The following SUMF1 variants were observed in gnomAD, a reference collection of about 807,000 sequenced individuals.
SUMF1 encodes formylglycine-generating enzyme.
A neutral mutation model predicts 47.6 loss-of-function variants in SUMF1; 48 were observed. The ratio of observed to expected loss-of-function variants is 1.01; its 90% CI spans 0.80 to 1.28. SUMF1 has a LOEUF of 1.28. Ranked by LOEUF, SUMF1 falls within the 50% of genes most tolerant of loss-of-function variation. The pLI is 0.00. For synonymous variants in SUMF1, 230 were observed against 192.1 expected, an observed-to-expected ratio of 1.20 and a Z score of -1.63; for missense variants, 571 against 485.4, an observed-to-expected ratio of 1.18 and a Z score of -1.66.
At position 4,383,153 on chromosome 3, in the gene SUMF1, C is replaced by T. The variant is rs141708879; in HGVS notation, c.955-6764G>A. Among the ~76,000 whole-genome samples, 23 of 152,020 alleles carry T rather than the reference C, an allele frequency of 1.5e-4. No homozygotes were observed. In the East Asian group the frequency reaches 3.9e-3, roughly 26 times the overall value. On this transcript the variant is annotated intron_variant, in intron 7 of 8. Transcript: ENST00000272902. ...CAGCACTTTGGGAGGCCAAGGCAGACGGATCACTGGAGGTCAGGAGCTCAA... is the reference window on the plus strand; with the variant it reads ...CAGCACTTTGGGAGGCCAAGGCAGATGGATCACTGGAGGTCAGGAGCTCAA...
intron 8 of SUMF1, among the ~76,000 whole-genome samples, chr3:4,288,758 G>A (rs1217374324): frequency 5.3e-5 from 8 of 151,256 alleles, no homozygotes; most frequent in Admixed American, 1.3e-4. Context: ...AGCCAAGATC[G>A]TGTCATTTGC....
At chr3:4,176,427 C>G (rs1325989030) in intron 8 of SUMF1, among the ~76,000 whole-genome samples, 3 of 152,134 alleles carry the variant, frequency 2.0e-5, no homozygotes, top group Non-Finnish European at 2.9e-5. Flanking sequence ...AATTTCATAT[C>G]CAGCTATACT....
chr3:4,373,804 AT>A (rs1700240528), intron 8 of SUMF1, among the ~76,000 whole-genome samples: 1 of 58,820 alleles, frequency 1.7e-5, no homozygotes, highest in Non-Finnish European at 4.7e-5. Flanking sequence ...TGCAAATCAA[AT>A]CCAAAAATGT....
At chr3:4,201,029 A>T (rs925861099) in intron 8 of SUMF1, among the ~76,000 whole-genome samples, 2 of 152,096 alleles carry the variant, frequency 1.3e-5, no homozygotes, top group Non-Finnish European at 2.9e-5. Context: ...AAATGTATAT[A>T]TTTATAAGGT....
At chr3:4,083,922 G>A (rs146410111) in intron 8 of SUMF1, among the ~76,000 whole-genome samples, 110 of 151,310 alleles carry the variant, frequency 7.3e-4, no homozygotes, top group African/African-American at 2.6e-3. Flanking sequence ...CTGAGTGGTC[G>A]GTTTGGGGAT....
At chr3:4,253,850 C>G (rs1259930914) in intron 8 of SUMF1, among the ~76,000 whole-genome samples, 2 of 149,376 alleles carry the variant, frequency 1.3e-5, no homozygotes, top group South Asian at 2.2e-4. Context: ...CCTCTGCAGA[C>G]TTAAATGTCC....
In SUMF1 at chr3:4,394,040, G is replaced by A. The variant is rs115898642; in HGVS notation, c.954+16825C>T. ...AGATAATTAAGGACATGTAAATGCT[G>A]ACTGAGTATTTGATAATATTAAGGA... On this transcript the variant is annotated intron_variant, in intron 7 of 8. Transcript: ENST00000272902. 2.9e-3 allele frequency among the ~76,000 whole-genome samples: 441 copies of A among 152,224 alleles called. 4 individuals carry two copies. The highest frequency in any genetic ancestry group is 0.01 in the African/African-American group (427 of 41,542).
intron 8 of SUMF1, among the ~76,000 whole-genome samples, chr3:4,110,634 A>T (rs1693276480): frequency 6.6e-6 from 1 of 152,004 alleles, no homozygotes; most frequent in Admixed American, 6.6e-5. Flanking sequence ...AAAATGTGGC[A>T]CATATACACC....
At chr3:4,050,604 G>A (rs550257556) in intron 9 of SUMF1, among the ~76,000 whole-genome samples, 1 of 151,634 alleles carries the variant, frequency 6.6e-6, no homozygotes, top group South Asian at 2.1e-4. Context: ...TTCGTCAGGT[G>A]TGTTGGCACA....
Position 4,316,525 on chromosome 3 carries a change from G to A in SUMF1, c.1014+59805C>T, listed in dbSNP as rs145713958. 1.6e-4 allele frequency: 245 copies of A among 1,578,774 alleles called. 1 individual carries two copies. Among genetic ancestry groups the A allele is most frequent in the Non-Finnish European group, 1.9e-4 (216 of 1,161,018 alleles). Reference sequence around the variant, plus strand: ...AATGTCAACCATTCTACGGTCGTTCGACATTTGAAGCAAATTGGAAAGGTG... The same window carrying A: ...AATGTCAACCATTCTACGGTCGTTCAACATTTGAAGCAAATTGGAAAGGTG... On this transcript the variant is annotated intron_variant and NMD_transcript_variant, in intron 8 of 12. Coordinates refer to the SUMF1 transcript ENST00000448413.
intron 8 of SUMF1, among the ~76,000 whole-genome samples, chr3:4,206,521 T>C (rs1695656331): frequency 6.6e-6 from 1 of 152,152 alleles, no homozygotes; most frequent in Admixed American, 6.5e-5. Context: ...AGTCACTGTG[T>C]TCTCCCTCTC....
intron 8 of SUMF1, among the ~76,000 whole-genome samples, chr3:4,159,146 G>A (rs1382202131): frequency 6.6e-6 from 1 of 151,092 alleles, no homozygotes; most frequent in African/African-American, 2.5e-5. Flanking sequence ...TTACCAGTAA[G>A]GTTTGTACCT....
intron 8 of SUMF1, among the ~76,000 whole-genome samples, chr3:4,154,277 C>G (rs75354481): frequency 0.025 from 3,747 of 151,548 alleles, 94 homozygotes; most frequent in Non-Finnish European, 0.042. Context: ...CCTTCACAAC[C>G]ATCACATAAA....
chr3:4,169,427 GA>G (rs919237968), intron 8 of SUMF1, among the ~76,000 whole-genome samples: 2 of 152,116 alleles, frequency 1.3e-5, no homozygotes, highest in Non-Finnish European at 2.9e-5. Context: ...AAGACACAGA[GA>G]AAAGGGGCCA....
At chr3:4,177,298 T>G (rs778371219) in intron 8 of SUMF1, among the ~76,000 whole-genome samples, 2 of 152,124 alleles carry the variant, frequency 1.3e-5, no homozygotes, top group Non-Finnish European at 2.9e-5. Context: ...AGTAAAGCAC[T>G]CCTCAGCAAA....
chr3:4,148,177 C>T (rs1485862572), intron 8 of SUMF1, among the ~76,000 whole-genome samples: 2 of 152,134 alleles, frequency 1.3e-5, no homozygotes, highest in Non-Finnish European at 2.9e-5. Context: ...AATTAAATTT[C>T]ACCCTAGCTA....
chr3:4,085,740 C>G (rs1355175041), intron 8 of SUMF1, among the ~76,000 whole-genome samples: 1 of 152,042 alleles, frequency 6.6e-6, no homozygotes, highest in Non-Finnish European at 1.5e-5. Context: ...TTGTCCTTCT[C>G]TTTTACCTAA....
intron 8 of SUMF1, among the ~76,000 whole-genome samples, chr3:4,203,249 C>T (rs764724840): frequency 1.3e-5 from 2 of 151,846 alleles, no homozygotes; most frequent in Non-Finnish European, 2.9e-5. Flanking sequence ...ATAATATTTG[C>T]TTTATATATT....
Position 4,136,807 on chromosome 3 carries a change from C to A in SUMF1, c.1015-68062G>T, listed in dbSNP as rs545260368. Among the ~76,000 whole-genome samples the A allele has an allele frequency of 1.3e-3, 194 of 151,700 alleles. 6 individuals are homozygous for A. The highest frequency in any genetic ancestry group is 6.5e-3 in the South Asian group (31 of 4,780). ...ACAAACAACCCCATCAAAAAGTGGG[C>A]AAAGGATATGAACAGACACTTCTCC... On this transcript the variant is annotated intron_variant and NMD_transcript_variant, in intron 8 of 12. Transcript: ENST00000448413.
Sources: gnomAD v4.1 joint callset for allele counts (sites outside exome capture counted in the v4.1 genomes callset) on GRCh38, gnomAD v4.1.1 for gene constraint, MANE v1.5 for transcripts, NCBI Gene and HGNC (gene_info 2026-07-23, HGNC 2026-07-21) for gene names.